Variants in MALRD1 observed in about 807,000 individuals in gnomAD.
The protein encoded by MALRD1 is MAM and LDL-receptor class A domain-containing protein 1.
MALRD1 carries 247 observed loss-of-function variants against 242.1 expected under a neutral mutation model. The observed-to-expected ratio is 1.02, with a 90% CI of 0.92 to 1.13. The LOEUF (loss-of-function observed/expected upper bound fraction) is 1.13. Among genes scored for constraint, MALRD1 ranks in the 50% most tolerant of loss-of-function variants. MALRD1 has a pLI of 0.00. For synonymous variants in MALRD1, 995 were observed against 866.6 expected (o/e 1.15, Z -2.60); for missense variants, 2,989 against 2,533.1 (o/e 1.18, Z -3.86).
chr10:19,063,997 C>T (rs1834898817), intron 1 of MALRD1, among the ~76,000 whole-genome samples: 2 of 151,680 alleles, frequency 1.3e-5, no homozygotes, highest in Non-Finnish European at 2.9e-5. Context: ...TTTCCATTAT[C>T]GTGTTAAAGA....
intron 29 of MALRD1, among the ~76,000 whole-genome samples, chr10:19,459,236 G>T (rs1413230131): frequency 6.6e-6 from 1 of 152,168 alleles, no homozygotes. Context: ...GTCTAAAGGT[G>T]TTAACCAAAA....
chr10:19,446,776 C>T (rs1310693029), intron 28 of MALRD1, among the ~76,000 whole-genome samples: 1 of 152,022 alleles, frequency 6.6e-6, no homozygotes, highest in African/African-American at 2.4e-5. Flanking sequence ...GTATTAGTGT[C>T]TATTTTTTAC....
chr10:19,638,713 G>C (rs1193534139), intron 36 of MALRD1, among the ~76,000 whole-genome samples: 5 of 152,120 alleles, frequency 3.3e-5, no homozygotes, highest in African/African-American at 1.2e-4. Flanking sequence ...AATGATTATG[G>C]CATGTATTTT....
chr10:19,456,987 A>C (rs1382989530), intron 29 of MALRD1, among the ~76,000 whole-genome samples: 1 of 152,194 alleles, frequency 6.6e-6, no homozygotes, highest in Admixed American at 6.5e-5. Context: ...TTAGAATGAT[A>C]GTGTGGATTT....
At chr10:19,574,138 C>A (rs1447241207) in intron 33 of MALRD1, among the ~76,000 whole-genome samples, 1 of 152,184 alleles carries the variant, frequency 6.6e-6, no homozygotes, top group East Asian at 1.9e-4. Flanking sequence ...AATAATAGCT[C>A]TCACTTCGTT....
At chr10:19,238,517 ATT>A (rs1365655761) in intron 18 of MALRD1, among the ~76,000 whole-genome samples, 21 of 75,032 alleles carry the variant, frequency 2.8e-4, no homozygotes, top group African/African-American at 1.3e-3. Context: ...TATAATGTAT[ATT>A]ATATATAATA....
intron 30 of MALRD1, among the ~76,000 whole-genome samples, chr10:19,492,855 A>G (rs1837552207): frequency 6.6e-6 from 1 of 152,148 alleles, no homozygotes. Context: ...TTGGAGACAA[A>G]CTACCACACA....
intron 10 of MALRD1, among the ~76,000 whole-genome samples, chr10:19,142,738 T>C (rs1833595993): frequency 6.6e-6 from 1 of 152,228 alleles, no homozygotes; most frequent in Non-Finnish European, 1.5e-5. Flanking sequence ...TTTTAGATTT[T>C]GCAAATGTTT....
chr10:19,166,278 C>T (rs1204174832), intron 13 of MALRD1, among the ~76,000 whole-genome samples: 1 of 152,100 alleles, frequency 6.6e-6, no homozygotes, highest in African/African-American at 2.4e-5. Context: ...GAATGTTATC[C>T]ACCTTTGGGA....
At chr10:19,218,371 T>C (rs1320865270) in intron 18 of MALRD1, among the ~76,000 whole-genome samples, 1 of 152,150 alleles carries the variant, frequency 6.6e-6, no homozygotes, top group Non-Finnish European at 1.5e-5. Flanking sequence ...AACAGGCTAC[T>C]CTGTTTACAT....
chr10:19,204,800 C>T, intron 16 of MALRD1, 98 bp from the exon 17 acceptor site: 2 of 1,244,866 alleles, frequency 1.6e-6, no homozygotes, highest in South Asian at 3.2e-5. Context: ...TATGATAACT[C>T]ATTAAAATTG....
At chr10:19,143,778 A>G (rs1833631699) in intron 10 of MALRD1, among the ~76,000 whole-genome samples, 1 of 152,180 alleles carries the variant, frequency 6.6e-6, no homozygotes, top group Non-Finnish European at 1.5e-5. Flanking sequence ...AGTCTTAAAT[A>G]TTTCTATACT....
Position 19,049,063 on chromosome 10 carries a change from A to G in MALRD1, c.125A>G (p.Asn42Ser), listed in dbSNP as rs1039250295. 6 of 1,233,902 alleles carry G rather than the reference A, an allele frequency of 4.9e-6. No individual in the cohort carries two copies. Among genetic ancestry groups the G allele is most frequent in the Non-Finnish European group, 6.1e-6 (6 of 988,140 alleles). 76.4% of individuals were successfully genotyped at this position (1,233,902 alleles called of 1,614,324 possible). The change falls in exon 1 of 40, where the codon AAT becomes AGT. Residue 42 changes from asparagine (N) to serine (S), a missense_variant. Coordinates refer to ENST00000454679, the MANE Select transcript of MALRD1 (RefSeq NM_001142308.3). ...GGGACAGAAAGCTTTCAGTGTGACA[A>G]TGGAGTCTCCTTGCCTCCTGACAGC... ...QQGTESFQCD[N>S]GVSLPPDSIC...
intron 34 of MALRD1, among the ~76,000 whole-genome samples, chr10:19,600,831 G>C (rs770094386): frequency 1.7e-4 from 26 of 152,152 alleles, no homozygotes; most frequent in Admixed American, 3.9e-4. Flanking sequence ...AGCCTATTTT[G>C]TTAAGAAAGA....
At chr10:19,521,188 C>T (rs561655155) in intron 31 of MALRD1, among the ~76,000 whole-genome samples, 1 of 152,048 alleles carries the variant, frequency 6.6e-6, no homozygotes, top group East Asian at 1.9e-4. Context: ...ATCTAGACAC[C>T]GTAATTTCTC....
At chr10:19,727,636 C>T (rs1337554293) in intron 38 of MALRD1, among the ~76,000 whole-genome samples, 1 of 152,102 alleles carries the variant, frequency 6.6e-6, no homozygotes, top group Non-Finnish European at 1.5e-5. Context: ...GTTCCTTTAT[C>T]ATCATTATTC....
At chr10:19,275,019 G>C (rs1840441665) in intron 19 of MALRD1, among the ~76,000 whole-genome samples, 1 of 152,078 alleles carries the variant, frequency 6.6e-6, no homozygotes. Flanking sequence ...CCCTCTGAAG[G>C]CATTAGTGAA....
intron 19 of MALRD1, among the ~76,000 whole-genome samples, chr10:19,265,630 G>A (rs540384697): frequency 1.1e-4 from 16 of 152,072 alleles, no homozygotes; most frequent in Non-Finnish European, 1.9e-4. Flanking sequence ...TGCTTGTTTT[G>A]TGGACTAACA....
intron 38 of MALRD1, among the ~76,000 whole-genome samples, chr10:19,714,405 G>T (rs1834283707): frequency 6.6e-6 from 1 of 152,082 alleles, no homozygotes; most frequent in East Asian, 1.9e-4. Flanking sequence ...GCTGATGTCT[G>T]TTTGGGTGTT....
Sources: gnomAD v4.1 joint callset for allele counts (sites outside exome capture counted in the v4.1 genomes callset) on GRCh38, gnomAD v4.1.1 for gene constraint, MANE v1.5 for transcripts, NCBI Gene and HGNC (gene_info 2026-07-23, HGNC 2026-07-21) for gene names.